NBEAL1: variants seen among roughly 807,000 people sequenced by gnomAD.
NBEAL1 encodes neurobeachin-like protein 1.
A neutral mutation model predicts 351.3 loss-of-function variants in NBEAL1; 273 were observed. The ratio of observed to expected loss-of-function variants is 0.78; its 90% CI spans 0.70 to 0.86. The LOEUF (loss-of-function observed/expected upper bound fraction) is 0.86, where lower values mean the gene tolerates loss of function less well. Among genes scored for constraint, NBEAL1 ranks in the 40% least tolerant of loss-of-function variants. The pLI, the probability that NBEAL1 is intolerant of heterozygous loss-of-function variation, is 0.00. For missense variants in NBEAL1, 2,961 were observed against 3,201.3 expected (o/e 0.92, Z 1.81); for synonymous variants, 1,050 against 1,086.4 (o/e 0.97, Z 0.66).
At chr2:203,172,927 A>C in intron 41 of NBEAL1, 74 bp downstream of exon 41, 1 of 1,402,126 alleles carries the variant, frequency 7.1e-7, no homozygotes, top group Non-Finnish European at 9.5e-7. Context: ...ACTATGGCCA[A>C]CCAAAAAAAT....
At chr2:203,117,006 G>C (rs543193768) in intron 18 of NBEAL1, among the ~76,000 whole-genome samples, 4 of 152,038 alleles carry the variant, frequency 2.6e-5, no homozygotes, top group African/African-American at 9.7e-5. Context: ...GGAGGGTGAG[G>C]CATGAGAATT....
chr2:203,021,920 G>A (rs1050916523), intron 2 of NBEAL1, among the ~76,000 whole-genome samples: 2 of 151,546 alleles, frequency 1.3e-5, no homozygotes, highest in Non-Finnish European at 2.9e-5. Context: ...GCACGGTGGC[G>A]GGCACCTGTA....
At chr2:203,073,178 A>G (rs190644261) in intron 7 of NBEAL1, among the ~76,000 whole-genome samples, 93 of 152,294 alleles carry the variant, frequency 6.1e-4, no homozygotes, top group African/African-American at 2.1e-3. Flanking sequence ...AGCTGGGACT[A>G]TAGGCATGTG....
chr2:203,183,728 A>G (rs1429101022), intron 44 of NBEAL1, among the ~76,000 whole-genome samples: 1 of 152,170 alleles, frequency 6.6e-6, no homozygotes, highest in Non-Finnish European at 1.5e-5. Flanking sequence ...CAAATCTAAT[A>G]AGGATGAGTA....
In NBEAL1 at chr2:203,202,753, C is replaced by T. The variant is rs2065436665; in HGVS notation, c.7478C>T (p.Thr2493Ile). 6 of 1,596,470 alleles carry T rather than the reference C, an allele frequency of 3.8e-6. 1 individual carries two copies. The South Asian group carries it at 6.6e-5, about 18-fold the overall frequency. ...IHLISGSRDT[T>I]CMIWQITQQG... ...TTGATTTCTGGTTCCAGAGATACTA[C>T]ATGTATGATATGGCAAATAACACAA... is the stretch of plus-strand genomic sequence containing the variant. Residue 2493 changes from threonine (T) to isoleucine (I), a missense_variant, in exon 51 of 56, where the codon ACA (threonine) becomes ATA (isoleucine). Thr to Ile is a moderately conservative substitution (Grantham distance 89). Transcript: ENST00000683969.
At chr2:203,176,799 A>AT (rs1468531784) in intron 42 of NBEAL1, among the ~76,000 whole-genome samples, 7 of 151,774 alleles carry the variant, frequency 4.6e-5, no homozygotes, top group Admixed American at 1.3e-4. Context: ...TGACTAAATG[A>AT]TTTTTTTTAC....
chr2:203,109,473 G>A (rs1190811083), intron 14 of NBEAL1, among the ~76,000 whole-genome samples: 1 of 152,178 alleles, frequency 6.6e-6, no homozygotes, highest in Non-Finnish European at 1.5e-5. Context: ...GAAGACCTAT[G>A]TGTCTGTACA....
At chr2:203,173,153 C>G (rs1439328964) in intron 41 of NBEAL1, among the ~76,000 whole-genome samples, 1 of 151,982 alleles carries the variant, frequency 6.6e-6, no homozygotes, top group African/African-American at 2.4e-5. Flanking sequence ...TTTTTCTTCC[C>G]AGATGTTTTA....
chr2:203,137,978 T>G (rs932058454), intron 29 of NBEAL1, among the ~76,000 whole-genome samples, 184 bp from the exon 30 acceptor site: 2 of 142,302 alleles, frequency 1.4e-5, no homozygotes, highest in Non-Finnish European at 3.1e-5. Flanking sequence ...GAGCGATCTC[T>G]GCACTCCGTC....
chr2:203,189,574 A>T (rs533344145), intron 45 of NBEAL1, among the ~76,000 whole-genome samples: 7 of 151,824 alleles, frequency 4.6e-5, no homozygotes, highest in Middle Eastern at 6.8e-3. Flanking sequence ...TTTTAGAGAG[A>T]TGAAGTCTCA....
chr2:203,033,267 T>C (rs1211836131), intron 2 of NBEAL1, among the ~76,000 whole-genome samples: 5 of 152,250 alleles, frequency 3.3e-5, no homozygotes, highest in Non-Finnish European at 7.3e-5. Context: ...CCCAAAGTGC[T>C]GGAATTACAG....
intron 15 of NBEAL1, 123 bp downstream of exon 15, chr2:203,110,405 A>T (rs1232262113): frequency 9.8e-7 from 1 of 1,021,356 alleles, no homozygotes; most frequent in East Asian, 2.7e-5. Flanking sequence ...GCGCAGTGGC[A>T]CACCTGTACG....
At chr2:203,032,745 A>G (rs992781553) in intron 2 of NBEAL1, among the ~76,000 whole-genome samples, 1 of 137,722 alleles carries the variant, frequency 7.3e-6, no homozygotes, top group African/African-American at 2.7e-5. Context: ...GCTCACTGCA[A>G]CCTCCACCTC....
intron 44 of NBEAL1, among the ~76,000 whole-genome samples, chr2:203,183,864 G>T (rs1255055789): frequency 6.6e-6 from 1 of 151,846 alleles, no homozygotes; most frequent in African/African-American, 2.4e-5. Flanking sequence ...CTCACCTGAG[G>T]TCAGGAGTTC....
chr2:203,056,034 A>G (rs1559335564), intron 4 of NBEAL1, among the ~76,000 whole-genome samples: 1 of 152,244 alleles, frequency 6.6e-6, no homozygotes, highest in Non-Finnish European at 1.5e-5. Flanking sequence ...CAGTATGTAC[A>G]AAAAAGAAAA....
In NBEAL1 at chr2:203,219,537, A is replaced by C. The variant is rs1030512497; in HGVS notation, c.*2183A>C. On this transcript the variant is annotated 3_prime_UTR_variant, in exon 56 of 56. Transcript: ENST00000683969. ...GTACAAGGTAGTGGAATTATTTCTT[A>C]TATTGCTTTTTCCAAAAAGTAAAAA... The C allele has an allele frequency of 1.3e-5, 2 of 152,018 alleles. No homozygotes were observed. The highest frequency in any genetic ancestry group is 2.9e-5 in the Non-Finnish European group (2 of 68,006). 9.4% of individuals were successfully genotyped at this position (152,018 alleles called of 1,614,324 possible). A position where few individuals can be genotyped will look rare whatever the true frequency, so the allele number is the denominator to read the frequency against.
Position 203,136,371 on chromosome 2 carries a change from T to C in NBEAL1, c.4389+119T>C. 4 of 884,466 alleles carry C rather than the reference T, an allele frequency of 4.5e-6. 1 individual carries two copies. The South Asian group carries it at 7.7e-5, about 17-fold the overall frequency. The allele number at this position is 884,466 out of a possible 1,614,324, so 54.8% of individuals were successfully genotyped here. A position where few individuals can be genotyped will look rare whatever the true frequency, so the allele number is the denominator to read the frequency against. ...TCATATTGTATTCATGTTCTAAGTT[T>C]CATGATCTAAGGTTTAGAAACCTGG... On this transcript the variant is annotated intron_variant, in intron 28 of 55. Coordinates refer to ENST00000683969, the MANE Select transcript of NBEAL1 (RefSeq NM_001378026.1).
At position 203,157,794 on chromosome 2, in the gene NBEAL1, C is replaced by T; in HGVS notation, c.5683C>T (p.Pro1895Ser). ...SDMVEDKLDL[P>S]EEDITARVNV... ...TATGGTGGAGGATAAATTAGACCTT[C>T]CTGAAGAGGATATAACAGCTAGAGT... is the stretch of plus-strand genomic sequence containing the variant. Residue 1895 changes from proline (P) to serine (S), a missense_variant, in exon 36 of 56, where the codon CCT (proline) becomes TCT (serine). Coordinates refer to ENST00000683969, the MANE Select transcript of NBEAL1 (RefSeq NM_001378026.1). 6.3e-7 allele frequency: 1 copy of T among 1,586,232 alleles called. No homozygotes were observed. The highest frequency in any genetic ancestry group is 8.6e-7 in the Non-Finnish European group (1 of 1,167,186).
intron 33 of NBEAL1, among the ~76,000 whole-genome samples, chr2:203,147,947 T>TTAGGTTTTCTAGAA (rs1553618830): frequency 6.6e-6 from 1 of 152,018 alleles, no homozygotes; most frequent in East Asian, 1.9e-4. Context: ...TTTCTAGAAA[T>TTAGGTTTTCTAGAA]ACCTAATTTA....
Sources: gnomAD v4.1 joint callset for allele counts (sites outside exome capture counted in the v4.1 genomes callset) on GRCh38, gnomAD v4.1.1 for gene constraint, MANE v1.5 for transcripts, NCBI Gene and HGNC (gene_info 2026-07-23, HGNC 2026-07-21) for gene names.